Variants in RBFOX1 observed in about 807,000 individuals in gnomAD.
The protein encoded by RBFOX1 is RNA binding protein fox-1 homolog 1.
In RBFOX1, 8 loss-of-function variants were observed where a neutral mutation model predicts 57.7. The ratio of observed to expected loss-of-function variants is 0.14; its 90% confidence interval spans 0.08 to 0.25. The LOEUF is 0.25. Among genes scored for constraint, RBFOX1 ranks in the 10% least tolerant of loss-of-function variants. The pLI, the probability that RBFOX1 is intolerant of heterozygous loss-of-function variation, is 1.00. For missense variants in RBFOX1, 611 were observed against 548.5 expected (o/e 1.11, Z -1.14); for synonymous variants, 326 against 222.4 (o/e 1.47, Z -4.15).
chr16:7,330,381 T>C, intron 4 of RBFOX1, among the ~76,000 whole-genome samples: 1 of 138,592 alleles, frequency 7.2e-6, no homozygotes, highest in Non-Finnish European at 1.5e-5. Context: ...TCAGTGCAGG[T>C]GCAGAGGTTT....
intron 13 of RBFOX1, among the ~76,000 whole-genome samples, chr16:7,675,323 A>G (rs1263667900): frequency 6.6e-6 from 1 of 152,020 alleles, no homozygotes; most frequent in Non-Finnish European, 1.5e-5. Flanking sequence ...TCCTAATTGG[A>G]GAACATAGTA....
intron 3 of RBFOX1, among the ~76,000 whole-genome samples, chr16:6,881,609 C>T (rs540453261): frequency 6.6e-6 from 1 of 152,276 alleles, no homozygotes; most frequent in Admixed American, 6.5e-5. Context: ...ACTCTGAGGA[C>T]CTGACTTTAA....
chr16:6,428,519 G>A (rs1042245041), intron 2 of RBFOX1, among the ~76,000 whole-genome samples: 2 of 152,032 alleles, frequency 1.3e-5, no homozygotes, highest in African/African-American at 2.4e-5. Flanking sequence ...TGCTTTCTGT[G>A]CCTTGATTTT....
At chr16:5,794,213 G>A (rs1407887550) in intron 3 of RBFOX1, among the ~76,000 whole-genome samples, 2 of 152,120 alleles carry the variant, frequency 1.3e-5, no homozygotes, top group East Asian at 1.9e-4. Context: ...GCATGGAAAC[G>A]TACAGAAAAC....
intron 1 of RBFOX1, among the ~76,000 whole-genome samples, chr16:6,292,100 T>G (rs1366878426): frequency 6.6e-6 from 1 of 152,088 alleles, no homozygotes; most frequent in East Asian, 1.9e-4. Context: ...GTGTAATTGA[T>G]AAAGAAACTA....
chr16:5,951,389 A>G (rs1009153388), intron 4 of RBFOX1, among the ~76,000 whole-genome samples: 9 of 152,178 alleles, frequency 5.9e-5, no homozygotes, highest in Admixed American at 5.9e-4. Context: ...CAGAGGTTGC[A>G]CAGAGTCGAG....
intron 4 of RBFOX1, among the ~76,000 whole-genome samples, chr16:7,491,683 T>G (rs2067027782): frequency 2.0e-5 from 3 of 152,032 alleles, no homozygotes; most frequent in South Asian, 2.1e-4. Flanking sequence ...CAGGCTGGAG[T>G]GCAAGTACAT....
At chr16:6,692,853 CCAT>C (rs1295543913) in intron 3 of RBFOX1, among the ~76,000 whole-genome samples, 1 of 152,050 alleles carries the variant, frequency 6.6e-6, no homozygotes, top group African/African-American at 2.4e-5. Flanking sequence ...ACCATCACCA[CCAT>C]CATCATCACC....
intron 1 of RBFOX1, among the ~76,000 whole-genome samples, chr16:6,192,432 C>T (rs991645727): frequency 2.6e-5 from 4 of 151,674 alleles, no homozygotes; most frequent in African/African-American, 9.7e-5. Flanking sequence ...TATTTGAGCC[C>T]CTCTACCTCC....
chr16:6,728,881 T>C (rs1339036070), intron 3 of RBFOX1, among the ~76,000 whole-genome samples: 3 of 152,204 alleles, frequency 2.0e-5, no homozygotes, highest in Non-Finnish European at 1.5e-5. Flanking sequence ...GATGAATTTT[T>C]AGATAATGAT....
chr16:6,741,333 A>G (rs75897960), intron 3 of RBFOX1, among the ~76,000 whole-genome samples: 3 of 152,160 alleles, frequency 2.0e-5, no homozygotes, highest in Non-Finnish European at 4.4e-5. Context: ...ACATGCCACC[A>G]AGGGTCTATA....
intron 4 of RBFOX1, among the ~76,000 whole-genome samples, chr16:7,428,860 G>T (rs941021775): frequency 6.6e-6 from 1 of 152,058 alleles, no homozygotes; most frequent in Non-Finnish European, 1.5e-5. Context: ...AATGATAACA[G>T]TAGTAGAAGT....
chr16:6,229,198 C>T (rs530949221), intron 1 of RBFOX1, among the ~76,000 whole-genome samples: 2 of 152,048 alleles, frequency 1.3e-5, no homozygotes, highest in African/African-American at 4.8e-5. Flanking sequence ...TCTGAAAGGT[C>T]ATTTGTAAAG....
At chr16:6,618,037 G>A (rs2154032010) in intron 2 of RBFOX1, among the ~76,000 whole-genome samples, 1 of 152,262 alleles carries the variant, frequency 6.6e-6, no homozygotes, top group Non-Finnish European at 1.5e-5. Flanking sequence ...ATGCATGCAA[G>A]ACTTTGCTCA....
chr16:7,222,427 A>G (rs554168805), intron 4 of RBFOX1, among the ~76,000 whole-genome samples: 2 of 152,370 alleles, frequency 1.3e-5, no homozygotes, highest in South Asian at 2.1e-4. Flanking sequence ...CTGTTAGGGC[A>G]TGTGGCAGCC....
intron 4 of RBFOX1, among the ~76,000 whole-genome samples, chr16:7,131,422 G>A (rs373753730): frequency 1.5e-5 from 2 of 136,664 alleles, no homozygotes; most frequent in East Asian, 4.4e-4. Flanking sequence ...TATGTTTTAA[G>A]TTATAGTTGG....
chr16:5,889,956 T>C (rs960419112), intron 4 of RBFOX1, among the ~76,000 whole-genome samples: 37 of 152,308 alleles, frequency 2.4e-4, no homozygotes, highest in African/African-American at 8.7e-4. Context: ...TCTGTGATGA[T>C]CACAATGCGT....
At chr16:6,252,550 G>A (rs1261288856) in intron 1 of RBFOX1, among the ~76,000 whole-genome samples, 1 of 152,102 alleles carries the variant, frequency 6.6e-6, no homozygotes, top group Non-Finnish European at 1.5e-5. Context: ...AGCCCCAGTT[G>A]GCCAGAAGAA....
intron 3 of RBFOX1, among the ~76,000 whole-genome samples, chr16:6,987,354 A>G (rs1368335404): frequency 1.3e-5 from 2 of 151,984 alleles, no homozygotes; most frequent in African/African-American, 2.4e-5. Context: ...GAGAATGAGT[A>G]GTTTGCCTAA....
Sources: allele counts gnomAD v4.1 joint callset (sites outside exome capture counted in the v4.1 genomes callset), GRCh38; gene constraint gnomAD v4.1.1; transcripts MANE v1.5; gene names NCBI Gene and HGNC (gene_info 2026-07-23, HGNC 2026-07-21).